Variants in EDIL3 observed in about 807,000 individuals in gnomAD.
EDIL3 encodes EGF like and discoidin domains 3.
EDIL3 carries 37 observed loss-of-function variants against 67.4 expected under a neutral mutation model. That is an observed-to-expected ratio of 0.55 (90% CI 0.42 to 0.72). The LOEUF (loss-of-function observed/expected upper bound fraction) is 0.72. Among genes scored for constraint, EDIL3 ranks in the 30% least tolerant of loss-of-function variants. The pLI, the probability that EDIL3 is intolerant of heterozygous loss-of-function variation, is 0.00. For missense variants in EDIL3, 527 were observed against 586.3 expected, an observed-to-expected ratio of 0.90 and a Z score of 1.04; for synonymous variants, 195 against 196.3, an observed-to-expected ratio of 0.99 and a Z score of 0.05.
intron 1 of EDIL3, among the ~76,000 whole-genome samples, chr5:84,358,729 C>A (rs2112198552): frequency 6.6e-6 from 1 of 151,214 alleles, no homozygotes; most frequent in South Asian, 2.1e-4. Context: ...CCTGCCTCAG[C>A]CTCCCGAGTA....
At chr5:84,081,844 T>G (rs1475596343) in intron 6 of EDIL3, among the ~76,000 whole-genome samples, 4 of 148,826 alleles carry the variant, frequency 2.7e-5, no homozygotes, top group African/African-American at 1.0e-4. Flanking sequence ...GGGAGGTGCA[T>G]TACTTCTAAG....
intron 6 of EDIL3, among the ~76,000 whole-genome samples, chr5:84,080,041 G>A (rs981056689): frequency 1.4e-5 from 2 of 147,952 alleles, no homozygotes; most frequent in Admixed American, 1.4e-4. Flanking sequence ...GGAGGCCGAG[G>A]CGGGCGGATC....
intron 3 of EDIL3, among the ~76,000 whole-genome samples, chr5:84,216,307 T>C (rs548330361): frequency 8.5e-5 from 13 of 152,346 alleles, no homozygotes; most frequent in Admixed American, 8.5e-4. Flanking sequence ...GTTTATGTGA[T>C]TCATAAACTA....
At chr5:84,009,052 T>A (rs1227378834) in intron 9 of EDIL3, among the ~76,000 whole-genome samples, 1 of 152,194 alleles carries the variant, frequency 6.6e-6, no homozygotes, top group Non-Finnish European at 1.5e-5. Context: ...TTTCCAGTGA[T>A]CTGCCTGCCT....
intron 4 of EDIL3, among the ~76,000 whole-genome samples, chr5:84,151,037 G>A (rs1748379549): frequency 6.6e-6 from 1 of 152,078 alleles, no homozygotes. Context: ...AGGGATTACA[G>A]TGGGGAAGAA....
chr5:84,107,275 C>T (rs1438014869), intron 5 of EDIL3, among the ~76,000 whole-genome samples: 1 of 151,622 alleles, frequency 6.6e-6, no homozygotes, highest in Admixed American at 6.6e-5. Context: ...TATTTTTGTA[C>T]TAATTTAGCA....
At chr5:84,098,271 G>A (rs1269043616) in intron 6 of EDIL3, among the ~76,000 whole-genome samples, 2 of 151,984 alleles carry the variant, frequency 1.3e-5, no homozygotes, top group East Asian at 3.8e-4. Context: ...ATACTAATTA[G>A]TGCATGTTTG....
chr5:84,249,674 T>C (rs183298767), intron 2 of EDIL3, among the ~76,000 whole-genome samples: 8 of 152,292 alleles, frequency 5.3e-5, no homozygotes, highest in Admixed American at 3.3e-4. Flanking sequence ...TACTATGTAT[T>C]TGAGTTGTAA....
chr5:84,165,692 G>A (rs1246469745), intron 4 of EDIL3, among the ~76,000 whole-genome samples: 5 of 152,070 alleles, frequency 3.3e-5, no homozygotes, highest in East Asian at 1.9e-4. Context: ...TGGCTCTCTC[G>A]ATAATCTTGA....
chr5:84,077,156 C>T (rs72774776), intron 6 of EDIL3, among the ~76,000 whole-genome samples: 9,887 of 152,268 alleles, frequency 0.065, 454 homozygotes, highest in Middle Eastern at 0.12. Flanking sequence ...TTGATGCTAT[C>T]GTCATGATTT....
At chr5:84,001,947 C>CA (rs1745338657) in intron 9 of EDIL3, among the ~76,000 whole-genome samples, 1 of 150,748 alleles carries the variant, frequency 6.6e-6, no homozygotes, top group African/African-American at 2.4e-5. Flanking sequence ...AAAGACACAT[C>CA]AAAAAAATAA....
At chr5:84,172,859 A>C (rs1748836002) in intron 4 of EDIL3, among the ~76,000 whole-genome samples, 1 of 152,166 alleles carries the variant, frequency 6.6e-6, no homozygotes, top group African/African-American at 2.4e-5. Context: ...ACGCTATATT[A>C]ACTGCATGCT....
chr5:84,327,854 G>A (rs550057074), intron 1 of EDIL3, among the ~76,000 whole-genome samples: 3 of 152,080 alleles, frequency 2.0e-5, no homozygotes, highest in Admixed American at 2.0e-4. Context: ...CTATTGACTG[G>A]TGAGACTAAG....
intron 9 of EDIL3, among the ~76,000 whole-genome samples, chr5:83,974,768 A>C (rs1321890840): frequency 6.6e-6 from 1 of 151,892 alleles, no homozygotes; most frequent in Non-Finnish European, 1.5e-5. Flanking sequence ...TATTTATATT[A>C]ATTTATTTAT....
intron 9 of EDIL3, among the ~76,000 whole-genome samples, chr5:83,984,976 C>T (rs1056501227): frequency 1.9e-4 from 27 of 145,000 alleles, no homozygotes; most frequent in Admixed American, 7.1e-5. Flanking sequence ...CACACACACA[C>T]ACCCCATAAA....
intron 9 of EDIL3, among the ~76,000 whole-genome samples, chr5:84,044,702 C>T (rs1746189622): frequency 6.6e-6 from 1 of 152,036 alleles, no homozygotes; most frequent in South Asian, 2.1e-4. Context: ...GACTAGGAAC[C>T]AAGAGCTCTG....
intron 10 of EDIL3, among the ~76,000 whole-genome samples, chr5:83,951,197 C>A (rs763709279): frequency 2.6e-5 from 4 of 151,720 alleles, no homozygotes; most frequent in Non-Finnish European, 5.9e-5. Flanking sequence ...CGGGCATGAT[C>A]CATTTAAACC....
At chr5:84,316,436 G>C (rs1746513210) in intron 1 of EDIL3, among the ~76,000 whole-genome samples, 1 of 151,822 alleles carries the variant, frequency 6.6e-6, no homozygotes, top group Non-Finnish European at 1.5e-5. Context: ...CAAATGAAAA[G>C]CAAAAAAAGC....
intron 1 of EDIL3, among the ~76,000 whole-genome samples, chr5:84,343,748 T>C (rs1184771343): frequency 6.6e-6 from 1 of 152,074 alleles, no homozygotes; most frequent in African/African-American, 2.4e-5. Context: ...CTGGTTTCAC[T>C]CTAACTCATA....
Sources: gnomAD v4.1 joint callset for allele counts (sites outside exome capture counted in the v4.1 genomes callset) on GRCh38, gnomAD v4.1.1 for gene constraint, MANE v1.5 for transcripts, NCBI Gene and HGNC (gene_info 2026-07-23, HGNC 2026-07-21) for gene names.